The following TXNL4B variants were observed in gnomAD, a reference collection of about 807,000 sequenced individuals.
The protein encoded by TXNL4B is thioredoxin like 4B.
Under a neutral mutation model 13.0 loss-of-function variants are expected in TXNL4B, and 12 were observed. The observed-to-expected ratio is 0.92, with a 90% confidence interval of 0.59 to 1.49. The LOEUF (loss-of-function observed/expected upper bound fraction) is 1.49, where lower values mean the gene tolerates loss of function less well. TXNL4B is among the 40% of genes most tolerant of loss of function. The pLI is 0.00. For missense variants in TXNL4B, 214 were observed against 173.6 expected, an observed-to-expected ratio of 1.23 and a Z score of -1.31; for synonymous variants, 59 against 58.9, an observed-to-expected ratio of 1.00 and a Z score of -0.01.
At position 72,088,951 on chromosome 16, in the gene TXNL4B, C is replaced by G. The variant is rs201776916; in HGVS notation, c.284+36G>C. The G allele has an allele frequency of 3.0e-5, 46 of 1,549,792 alleles. 1 individual carries two copies. Among genetic ancestry groups the G allele is most frequent in the Middle Eastern group, 1.7e-4 (1 of 5,858 alleles). ...TGAAAATGCTTACCAAGGAAACTTA[C>G]AAGGTTGCAATTAACTTCAGATCAA... On this transcript the variant is annotated intron_variant, in intron 3 of 3. Transcript: ENST00000268483.
chr16:72,084,966 CA>C lies in TXNL4B; in HGVS notation c.*1670del. On this transcript the variant is annotated 3_prime_UTR_variant, in exon 4 of 4. Transcript: ENST00000268483. ...ATTGGGCTCTTTTTGTTCTTCTTAG[CA>C]TATCGATGTTTTACGTGATGCTGGG... is the stretch of plus-strand genomic sequence containing the variant. 1 of 398,566 alleles carries C rather than the reference CA, an allele frequency of 2.5e-6. No homozygotes were observed. The highest frequency in any genetic ancestry group is 4.4e-6 in the Non-Finnish European group (1 of 226,066). 24.7% of individuals were successfully genotyped at this position (398,566 alleles called of 1,614,324 possible).
chr16:72,093,431 A>G lies in TXNL4B; in HGVS notation c.-102T>C, dbSNP rs1480298407. ...GCTGTCAGCAACCACTTCTCGGAAG[A>G]GCCCGGGCGCGGACAGCTCCTTTCA... On this transcript the variant is annotated 5_prime_UTR_variant, in exon 1 of 4. Transcript: ENST00000268483. 1 of 152,290 alleles carries G rather than the reference A, an allele frequency of 6.6e-6. No homozygotes were observed. The allele number at this position is 152,290 out of a possible 1,614,324, so 9.4% of individuals were successfully genotyped here.
At position 72,085,169 on chromosome 16, in the gene TXNL4B, C is replaced by T; in HGVS notation, c.*1468G>A. 1 of 396,568 alleles carries T rather than the reference C, an allele frequency of 2.5e-6. No individual in the cohort carries two copies. The highest frequency in any genetic ancestry group is 6.3e-4 in the Middle Eastern group (1 of 1,582). The allele number at this position is 396,568 out of a possible 1,614,324, so 24.6% of individuals were successfully genotyped here. On this transcript the variant is annotated 3_prime_UTR_variant, in exon 4 of 4. Transcript: ENST00000268483. ...TACAAGCAGTGCCTGGCAGCCTTCC[C>T]TCTCTCCTGTATGAGCCAAAAGCAA... is the stretch of plus-strand genomic sequence containing the variant.
chr16:72,091,350 A>G (rs1174752173), intron 1 of TXNL4B, among the ~76,000 whole-genome samples: 1 of 147,884 alleles, frequency 6.8e-6, no homozygotes, highest in East Asian at 1.9e-4. Context: ...GCCTGCTGTT[A>G]GGTGTTGCAG....
At chr16:72,090,481 C>A in intron 2 of TXNL4B, 137 bp downstream of exon 2, 1 of 848,134 alleles carries the variant, frequency 1.2e-6, no homozygotes, top group South Asian at 1.7e-5. Flanking sequence ...GGCAGGCACA[C>A]AATCAGCTCT....
Position 72,085,048 on chromosome 16 carries a change from G to T in TXNL4B, c.*1589C>A. 1 of 398,584 alleles carries T rather than the reference G, an allele frequency of 2.5e-6. No individual in the cohort carries two copies. Among genetic ancestry groups the T allele is most frequent in the South Asian group, 1.3e-4 (1 of 7,850 alleles). 24.7% of individuals were successfully genotyped at this position (398,584 alleles called of 1,614,324 possible). ...CTCCATGCATCATGATTAAACCAGA[G>T]ACAGGAAGTGTACGATGGAAGAGGC... On this transcript the variant is annotated 3_prime_UTR_variant, in exon 4 of 4. Coordinates refer to ENST00000268483, the MANE Select transcript of TXNL4B (RefSeq NM_017853.3).
intron 2 of TXNL4B, 101 bp downstream of exon 2, chr16:72,090,517 T>C: frequency 1.6e-6 from 2 of 1,247,378 alleles, no homozygotes; most frequent in Non-Finnish European, 2.3e-6. Flanking sequence ...TGAACAGCTA[T>C]ATACCCAACC....
intron 3 of TXNL4B, 144 bp from the exon 4 acceptor site, chr16:72,086,946 T>C (rs1327823506): frequency 6.0e-6 from 4 of 670,512 alleles, no homozygotes; most frequent in Non-Finnish European, 9.4e-6. Flanking sequence ...AACATTAATT[T>C]TTCAATCATT....
At chr16:72,087,078 C>G (rs1265616860) in intron 3 of TXNL4B, among the ~76,000 whole-genome samples, 1 of 152,174 alleles carries the variant, frequency 6.6e-6, no homozygotes, top group Non-Finnish European at 1.5e-5. Context: ...TATCACTTCT[C>G]AAATCATCAA....
chr16:72,088,209 C>T (rs2041852139), intron 3 of TXNL4B, among the ~76,000 whole-genome samples: 1 of 152,248 alleles, frequency 6.6e-6, no homozygotes, highest in Non-Finnish European at 1.5e-5. Context: ...AATGATCCGC[C>T]TGCCTTGGCC....
chr16:72,090,630 C>T lies in TXNL4B; in HGVS notation c.120G>A (p.Gln40=). ...FGRDEDPVCL[Q]LDDILSKTSS... is the part of the protein sequence containing the mutation. ...GACATTCACTTACAATATCATCTAG[C>T]TGCAGACAGACAGGATCTTCATCTC... Residue 40 remains glutamine (Q), a synonymous_variant, in exon 2 of 4, where the codon CAG becomes CAA. Coordinates refer to ENST00000268483, the MANE Select transcript of TXNL4B (RefSeq NM_017853.3). 1.2e-6 allele frequency: 2 copies of T among 1,613,956 alleles called. No individual in the cohort carries two copies. Among genetic ancestry groups the T allele is most frequent in the Non-Finnish European group, 1.7e-6 (2 of 1,179,958 alleles).
chr16:72,090,490 C>G, intron 2 of TXNL4B, 128 bp downstream of exon 2: 1 of 916,558 alleles, frequency 1.1e-6, no homozygotes, highest in Non-Finnish European at 1.6e-6. Context: ...ACAATCAGCT[C>G]TTAGTGAACT....
chr16:72,089,231 G>GA, intron 2 of TXNL4B, 93 bp from the exon 3 acceptor site: 2 of 1,156,902 alleles, frequency 1.7e-6, no homozygotes, highest in Non-Finnish European at 2.4e-6. Flanking sequence ...TGTTTTGTTT[G>GA]AAAAAACTCC....
At chr16:72,090,587 TA>T in intron 2 of TXNL4B, 30 bp downstream of exon 2, 1 of 1,611,318 alleles carries the variant, frequency 6.2e-7, no homozygotes, top group Non-Finnish European at 8.5e-7. Context: ...AGATTATTAA[TA>T]AAAACCAATT....
chr16:72,089,077 TGG>T lies in TXNL4B; in HGVS notation c.192_193del (p.Asp64GlufsTer10). 6.2e-7 allele frequency: 1 copy of T among 1,612,418 alleles called. No individual in the cohort carries two copies. ...AAAATACTGTGTATAAACTGCAGTT[TGG>T]TCCACATCTACCAGGTATATAGCAG... On this transcript the variant is annotated frameshift_variant, in exon 3 of 4. Transcript: ENST00000268483. LOFTEE classifies it high-confidence loss of function.
chr16:72,085,409 G>T lies in TXNL4B; in HGVS notation c.*1228C>A, dbSNP rs906029835. On this transcript the variant is annotated 3_prime_UTR_variant, in exon 4 of 4. Transcript: ENST00000268483. The stretch of plus-strand genomic sequence containing the variant: ...ATAAATCTGTTTCAATAACCACCAC[G>T]AGGTTTAAAGAGGAGCAGTAACTTG... 5.8e-6 allele frequency: 1 copy of T among 172,288 alleles called. No individual in the cohort carries two copies. The highest frequency in any genetic ancestry group is 2.6e-3 in the Middle Eastern group (1 of 392). The allele number at this position is 172,288 out of a possible 1,614,324, so 10.7% of individuals were successfully genotyped here.
At position 72,085,566 on chromosome 16, in the gene TXNL4B, CCAATTTTCTGCCTCA is replaced by C. The variant is rs1267394728; in HGVS notation, c.*1056_*1070del. ...TCTTTTAGTTTTGAGCCTTAGTAAT[CCAATTTTCTGCCTCA>C]GGAAGAGGCAGCAGCTTCTGGGAAA... On this transcript the variant is annotated 3_prime_UTR_variant, in exon 4 of 4. Coordinates refer to ENST00000268483, the MANE Select transcript of TXNL4B (RefSeq NM_017853.3). 6 of 152,166 alleles carry C rather than the reference CCAATTTTCTGCCTCA, an allele frequency of 3.9e-5. No individual in the cohort carries two copies. Among genetic ancestry groups the C allele is most frequent in the Non-Finnish European group, 5.9e-5 (4 of 68,050 alleles). 9.4% of individuals were successfully genotyped at this position (152,166 alleles called of 1,614,324 possible).
chr16:72,090,857 TCA>T, intron 1 of TXNL4B, 71 bp from the exon 2 acceptor site: 1 of 1,250,680 alleles, frequency 8.0e-7, no homozygotes, highest in Non-Finnish European at 1.1e-6. Flanking sequence ...AAAAATTAAT[TCA>T]CAGAGTAGCT....
chr16:72,090,698 T>C lies in TXNL4B; in HGVS notation c.52A>G (p.Ile18Val). The C allele has an allele frequency of 1.2e-6, 2 of 1,614,230 alleles. No individual in the cohort carries two copies. Among genetic ancestry groups the C allele is most frequent in the Non-Finnish European group, 1.7e-6 (2 of 1,180,048 alleles). ...LTSKKEVDQAIKSTAEKVLVL... is the reference protein window; with the variant it reads ...LTSKKEVDQAVKSTAEKVLVL... ...AACACCTTCTCAGCAGTACTTTTTATCGCCTGGTCTACTTCCTTTTTGCTA... is the reference window on the plus strand; with the variant it reads ...AACACCTTCTCAGCAGTACTTTTTACCGCCTGGTCTACTTCCTTTTTGCTA... The change falls in exon 2 of 4, where the codon ATA (isoleucine) becomes GTA (valine). Residue 18 changes from isoleucine to valine, a missense_variant. Ile to Val is a conservative substitution (Grantham distance 29). Coordinates refer to ENST00000268483, the MANE Select transcript of TXNL4B (RefSeq NM_017853.3).
Sources: gnomAD v4.1 joint callset for allele counts (sites outside exome capture counted in the v4.1 genomes callset) on GRCh38, gnomAD v4.1.1 for gene constraint, MANE v1.5 for transcripts, NCBI Gene and HGNC (gene_info 2026-07-23, HGNC 2026-07-21) for gene names.